Variants in UBE2D2 observed in about 807,000 individuals in gnomAD.
UBE2D2 encodes ubiquitin conjugating enzyme E2 D2, also known as ubiquitin-conjugating enzyme E2 D2.
Under a neutral mutation model 24.2 loss-of-function variants are expected in UBE2D2, and 2 were observed. The ratio of observed to expected loss-of-function variants is 0.08; its 90% CI spans 0.03 to 0.26. The LOEUF is 0.26. UBE2D2 is among the 10% of genes least tolerant of loss of function. The pLI, the probability that UBE2D2 is intolerant of heterozygous loss-of-function variation, is 1.00. For synonymous variants in UBE2D2, 58 were observed against 56.5 expected, an observed-to-expected ratio of 1.03 and a Z score of -0.12; for missense variants, 44 against 177.6, an observed-to-expected ratio of 0.25 and a Z score of 4.28.
chr5:139,567,891 C>T (rs187526224), intron 1 of UBE2D2, among the ~76,000 whole-genome samples: 7 of 152,084 alleles, frequency 4.6e-5, no homozygotes, highest in Non-Finnish European at 7.4e-5. Flanking sequence ...ACATTGATCC[C>T]GTAGAAGTTT....
rs1014616177 is a variant in UBE2D2, at chr5:139,606,382, C to G, written c.88+5947C>G. 2.6e-5 allele frequency among the ~76,000 whole-genome samples: 4 copies of G among 151,812 alleles called. No individual in the cohort carries two copies. In the South Asian group the frequency reaches 8.3e-4, roughly 32 times the overall value. On this transcript the variant is annotated intron_variant, in intron 2 of 6. Coordinates refer to ENST00000398733, the MANE Select transcript of UBE2D2 (RefSeq NM_003339.3). ...TTCACCATGTTGGCCAGGCTGGTCT[C>G]GAACTCCTGACCTCAGGTGATCCAC...
chr5:139,594,530 C>T (rs1753919170), intron 1 of UBE2D2, among the ~76,000 whole-genome samples: 1 of 152,072 alleles, frequency 6.6e-6, no homozygotes, highest in African/African-American at 2.4e-5. Flanking sequence ...TCTCCTGCCT[C>T]AGCCTCCTGG....
At chr5:139,625,271 A>AGTACATGCCACTACACCTGCCTC (rs1754594339) in intron 6 of UBE2D2, among the ~76,000 whole-genome samples, 1 of 147,182 alleles carries the variant, frequency 6.8e-6, no homozygotes, top group African/African-American at 2.6e-5. Context: ...ACACCTGGCT[A>AGTACATGCCACTACACCTGCCTC]ATTTGTTTTT....
At chr5:139,626,095 G>A (rs953182190) in intron 6 of UBE2D2, among the ~76,000 whole-genome samples, 7 of 151,328 alleles carry the variant, frequency 4.6e-5, no homozygotes, top group Non-Finnish European at 1.0e-4. Flanking sequence ...TTGAGACAGA[G>A]CCTCACTCTG....
chr5:139,583,425 C>T (rs937732928), intron 1 of UBE2D2, among the ~76,000 whole-genome samples: 13 of 151,982 alleles, frequency 8.6e-5, no homozygotes, highest in South Asian at 2.1e-4. Flanking sequence ...TTCATATTTC[C>T]GAACAACATG....
intron 5 of UBE2D2, among the ~76,000 whole-genome samples, chr5:139,622,852 G>A (rs904192945): frequency 5.9e-5 from 9 of 151,768 alleles, no homozygotes; most frequent in Middle Eastern, 3.4e-3. Flanking sequence ...ACCGCGCCGC[G>A]CCACTGCACT....
At chr5:139,532,012 C>T (rs1322789326) in intron 1 of UBE2D2, among the ~76,000 whole-genome samples, 3 of 151,696 alleles carry the variant, frequency 2.0e-5, no homozygotes, top group African/African-American at 7.3e-5. Context: ...TATGCATGAC[C>T]TCATTTATGA....
At chr5:139,562,474 G>T in intron 1 of UBE2D2, 1 of 1,266,310 alleles carries the variant, frequency 7.9e-7, no homozygotes, top group South Asian at 1.3e-5. Flanking sequence ...GCTGTATGTA[G>T]TTAGAAACTA....
chr5:139,557,248 C>T (rs529052611), upstream of UBE2D2, among the ~76,000 whole-genome samples: 3 of 152,090 alleles, frequency 2.0e-5, no homozygotes, highest in East Asian at 3.9e-4. Context: ...ATTCTCCTGC[C>T]TCAGCCTCCC....
chr5:139,551,502 G>T (rs1641401429), intron 1 of UBE2D2, among the ~76,000 whole-genome samples: 1 of 152,112 alleles, frequency 6.6e-6, no homozygotes, highest in Non-Finnish European at 1.5e-5. Flanking sequence ...ACCATGAAGA[G>T]TGTGTGTGTG....
intron 1 of UBE2D2, among the ~76,000 whole-genome samples, chr5:139,552,788 T>A (rs1385643814): frequency 6.6e-6 from 1 of 151,618 alleles, no homozygotes; most frequent in Admixed American, 6.6e-5. Flanking sequence ...GTTCAAGCGA[T>A]TCTCCTTCCT....
At chr5:139,590,531 A>G (rs114707165) in intron 1 of UBE2D2, among the ~76,000 whole-genome samples, 2,087 of 152,164 alleles carry the variant, frequency 0.014, 50 homozygotes, top group African/African-American at 0.047. Flanking sequence ...GAGGGAAAGC[A>G]AAGTACAGAA....
At chr5:139,538,817 G>A (rs1280840259) in intron 1 of UBE2D2, among the ~76,000 whole-genome samples, 3 of 150,854 alleles carry the variant, frequency 2.0e-5, no homozygotes, top group Non-Finnish European at 4.4e-5. Flanking sequence ...AGGTTGCGGT[G>A]AGCGATCATG....
At chr5:139,573,288 C>T (rs1283186036) in intron 1 of UBE2D2, among the ~76,000 whole-genome samples, 6 of 143,854 alleles carry the variant, frequency 4.2e-5, no homozygotes, top group East Asian at 2.0e-4. Context: ...GACGACAGAG[C>T]GAAACTCCAT....
intron 1 of UBE2D2, among the ~76,000 whole-genome samples, chr5:139,574,650 T>G (rs1482481622): frequency 1.3e-5 from 2 of 151,966 alleles, no homozygotes; most frequent in African/African-American, 4.8e-5. Context: ...AGTTCTTGTC[T>G]TATTCTTCGT....
intron 1 of UBE2D2, among the ~76,000 whole-genome samples, chr5:139,565,232 G>A (rs539841355): frequency 6.6e-6 from 1 of 152,300 alleles, no homozygotes; most frequent in Admixed American, 6.5e-5. Flanking sequence ...TTGACAGAGG[G>A]ACGCTATTCA....
intron 1 of UBE2D2, chr5:139,599,645 G>C (rs966014006): frequency 4.6e-5 from 7 of 151,872 alleles, no homozygotes; most frequent in African/African-American, 1.5e-4. Flanking sequence ...GCTGAGGCAG[G>C]AGAATGGCGT....
At chr5:139,569,284 C>G (rs1753303929) in intron 1 of UBE2D2, among the ~76,000 whole-genome samples, 1 of 151,990 alleles carries the variant, frequency 6.6e-6, no homozygotes, top group Admixed American at 6.6e-5. Context: ...CTTTCTTTGG[C>G]TCTACTAGAT....
chr5:139,572,222 A>G lies in UBE2D2; in HGVS notation c.24+10407A>G, dbSNP rs77227365. On this transcript the variant is annotated intron_variant, in intron 1 of 6. Transcript: ENST00000398733. ...TTCTTCCTCATATCTGGTGTTTCCCAACTTTATTAGAATGCTTATCAAAGT... is the reference window on the plus strand; with the variant it reads ...TTCTTCCTCATATCTGGTGTTTCCCGACTTTATTAGAATGCTTATCAAAGT... Among the ~76,000 whole-genome samples, 1,178 of 152,328 alleles carry G rather than the reference A, an allele frequency of 7.7e-3. 8 individuals carry two copies. The highest frequency in any genetic ancestry group is 0.041 in the Middle Eastern group (12 of 294).
Sources: allele counts gnomAD v4.1 joint callset (sites outside exome capture counted in the v4.1 genomes callset), GRCh38; gene constraint gnomAD v4.1.1; transcripts MANE v1.5; gene names NCBI Gene and HGNC (gene_info 2026-07-23, HGNC 2026-07-21).